MTARC1: variants seen among roughly 807,000 people sequenced by gnomAD.
MTARC1 encodes the protein mitochondrial amidoxime reducing component 1.
MTARC1 carries 24 observed loss-of-function variants against 33.6 expected under a neutral mutation model. The observed-to-expected ratio is 0.72, with a 90% CI of 0.52 to 1.01. The LOEUF (loss-of-function observed/expected upper bound fraction) is 1.01, where lower values mean the gene tolerates loss of function less well. Ranked by LOEUF, MTARC1 falls within the 50% of genes least tolerant of loss-of-function variation. MTARC1 has a pLI of 0.00. For missense variants in MTARC1, 417 were observed against 445.7 expected, an observed-to-expected ratio of 0.94 and a Z score of 0.58; for synonymous variants, 187 against 189.5, an observed-to-expected ratio of 0.99 and a Z score of 0.11.
At chr1:220,794,339 C>T (rs1190038467) in intron 2 of MTARC1, 1 of 151,528 alleles carries the variant, frequency 6.6e-6, no homozygotes, top group Non-Finnish European at 1.5e-5. Flanking sequence ...AAGGCTGTCT[C>T]CATACCTAGA....
chr1:220,803,581 C>G (rs931995869), intron 4 of MTARC1, among the ~76,000 whole-genome samples: 1 of 152,124 alleles, frequency 6.6e-6, no homozygotes, highest in Non-Finnish European at 1.5e-5. Flanking sequence ...CTGAAGCTAC[C>G]GTGTGCTCTG....
At chr1:220,801,320 G>T (rs765051136) in intron 4 of MTARC1, among the ~76,000 whole-genome samples, 6 of 151,318 alleles carry the variant, frequency 4.0e-5, no homozygotes, top group Non-Finnish European at 7.4e-5. Context: ...CCCCTGCTGC[G>T]GGCTTCACTG....
intron 6 of MTARC1, among the ~76,000 whole-genome samples, chr1:220,806,748 C>A (rs1375558018): frequency 6.6e-6 from 1 of 152,190 alleles, no homozygotes; most frequent in East Asian, 1.9e-4. Flanking sequence ...CTCTGGCCAG[C>A]ACCTGTCATC....
At chr1:220,801,811 C>T (rs960062334) in intron 4 of MTARC1, among the ~76,000 whole-genome samples, 2 of 152,098 alleles carry the variant, frequency 1.3e-5, no homozygotes, top group African/African-American at 4.8e-5. Flanking sequence ...GGAGGAAGGC[C>T]GAGGACCTGC....
intron 2 of MTARC1, among the ~76,000 whole-genome samples, chr1:220,794,514 C>T (rs375210250): frequency 6.0e-5 from 9 of 150,482 alleles, no homozygotes; most frequent in African/African-American, 1.9e-4. Context: ...GAGCTAAAGC[C>T]TGTGAATAAG....
intron 4 of MTARC1, 51 bp from the exon 5 acceptor site, chr1:220,805,001 T>C: frequency 6.3e-7 from 1 of 1,595,682 alleles, no homozygotes. Context: ...TACACACGTG[T>C]CAGGGGCAGG....
intron 2 of MTARC1, among the ~76,000 whole-genome samples, chr1:220,792,626 A>G (rs894959898): frequency 4.0e-5 from 6 of 150,364 alleles, no homozygotes; most frequent in African/African-American, 1.5e-4. Flanking sequence ...GTACATATTC[A>G]TTGTTGAAAA....
rs1364389179 is a variant in MTARC1 at position 220,815,834 on chromosome 1, C to T, written c.*2416C>T. 2 of 152,144 alleles carry T rather than the reference C, an allele frequency of 1.3e-5. No homozygotes were observed. Among genetic ancestry groups the T allele is most frequent in the African/African-American group, 4.8e-5 (2 of 41,446 alleles). The allele number at this position is 152,144 out of a possible 1,614,324, so 9.4% of individuals were successfully genotyped here. A position where few individuals can be genotyped will look rare whatever the true frequency, so the allele number is the denominator to read the frequency against. ...AAATATCCACCCTCGGTGGGCATCT[C>T]CTCTGTGTGGCAACTTATGCTGCAG... On this transcript the variant is annotated 3_prime_UTR_variant, in exon 7 of 7. Transcript: ENST00000366910.
intron 2 of MTARC1, among the ~76,000 whole-genome samples, chr1:220,795,263 G>A (rs1236692139): frequency 2.6e-5 from 4 of 152,140 alleles, no homozygotes; most frequent in Non-Finnish European, 5.9e-5. Flanking sequence ...TCACAACAAA[G>A]TTCTGCTTCT....
At chr1:220,790,727 G>C (rs908913926) in intron 1 of MTARC1, among the ~76,000 whole-genome samples, 2 of 152,202 alleles carry the variant, frequency 1.3e-5, no homozygotes, top group African/African-American at 4.8e-5. Flanking sequence ...TTTGATCAGT[G>C]TGTACTGTAA....
At position 220,813,479 on chromosome 1, in the gene MTARC1, A is replaced by C. The variant is rs561258715; in HGVS notation, c.*61A>C. On this transcript the variant is annotated 3_prime_UTR_variant, in exon 7 of 7. Coordinates refer to ENST00000366910, the MANE Select transcript of MTARC1 (RefSeq NM_022746.4). ...TAAAAATGTTCTCAAAAATGACAAC[A>C]CTTGAAGCATGGTGTTTCAGAACTG... The C allele has an allele frequency of 5.6e-5, 90 of 1,594,526 alleles. No homozygotes were observed. The African/African-American group carries it at 1.1e-3, about 20-fold the overall frequency.
chr1:220,810,478 C>T (rs1452996740), intron 6 of MTARC1, among the ~76,000 whole-genome samples: 1 of 151,532 alleles, frequency 6.6e-6, no homozygotes, highest in African/African-American at 2.4e-5. Context: ...CTTTTCCACT[C>T]CCATAGCTCT....
intron 4 of MTARC1, among the ~76,000 whole-genome samples, chr1:220,802,786 A>T (rs1435822958): frequency 6.6e-6 from 1 of 152,086 alleles, no homozygotes; most frequent in Non-Finnish European, 1.5e-5. Flanking sequence ...ATCCTTAGCC[A>T]CCAGCCAGAT....
chr1:220,793,014 A>G (rs530430732), intron 2 of MTARC1, among the ~76,000 whole-genome samples: 2 of 152,306 alleles, frequency 1.3e-5, no homozygotes, highest in Admixed American at 6.5e-5. Context: ...TTCTTAGGGA[A>G]AAAATTCTAG....
At chr1:220,796,259 C>T (rs1032761532) in intron 2 of MTARC1, among the ~76,000 whole-genome samples, 1 of 152,082 alleles carries the variant, frequency 6.6e-6, no homozygotes, top group South Asian at 2.1e-4. Context: ...GATTTCTGGT[C>T]GCTATTCAGC....
At chr1:220,791,769 C>A in intron 2 of MTARC1, 105 bp downstream of exon 2, 2 of 1,246,330 alleles carry the variant, frequency 1.6e-6, no homozygotes, top group Non-Finnish European at 2.2e-6. Context: ...AATAATGAAC[C>A]GTTGATTGCA....
intron 4 of MTARC1, chr1:220,798,554 TG>T: frequency 2.0e-6 from 2 of 985,454 alleles, no homozygotes; most frequent in African/African-American, 3.5e-5. Flanking sequence ...CCCTGAGGCT[TG>T]GTTTCTGGGA....
At position 220,791,661 on chromosome 1, in the gene MTARC1, GC is replaced by G; in HGVS notation, c.447del (p.Cys149Ter). 6.2e-7 allele frequency: 1 copy of G among 1,613,988 alleles called. No individual in the cohort carries two copies. On this transcript the variant is annotated frameshift_variant and splice_region_variant, in exon 2 of 7. Transcript: ENST00000366910. LOFTEE classifies it high-confidence loss of function. ...CCCACCACAAATGCAGTGCACAAGT[GC>G]AGGTAAGGAAAGGGCAGGTCGTAGC... ...KTPTTNAVHK[C>X]RVHGLEIEGR...
Position 220,791,486 on chromosome 1 carries a change from G to T in MTARC1, c.276-5G>T. The T allele has an allele frequency of 6.2e-7, 1 of 1,613,434 alleles. No individual in the cohort carries two copies. Among genetic ancestry groups the T allele is most frequent in the Non-Finnish European group, 8.5e-7 (1 of 1,179,680 alleles). ...CACACATATCCTGTGTTTTGAAAACGGCAGGTTTTGGCTTGTGATCAACCA... is the reference window on the plus strand; with the variant it reads ...CACACATATCCTGTGTTTTGAAAACTGCAGGTTTTGGCTTGTGATCAACCA... On this transcript the variant is annotated splice_polypyrimidine_tract_variant and splice_region_variant and intron_variant, in intron 1 of 6. Transcript: ENST00000366910.
Sources: allele counts gnomAD v4.1 joint callset (sites outside exome capture counted in the v4.1 genomes callset), GRCh38; gene constraint gnomAD v4.1.1; transcripts MANE v1.5; gene names NCBI Gene and HGNC (gene_info 2026-07-23, HGNC 2026-07-21).